The following GAP43 variants were observed in gnomAD, a reference collection of about 807,000 sequenced individuals.
GAP43 encodes the protein growth associated protein 43.
A neutral mutation model predicts 18.6 loss-of-function variants in GAP43; 6 were observed. The ratio of observed to expected loss-of-function variants is 0.32; its 90% CI spans 0.18 to 0.64. GAP43 has a LOEUF of 0.64. Among genes scored for constraint, GAP43 ranks in the 30% least tolerant of loss-of-function variants. The pLI is 0.78. For synonymous variants in GAP43, 115 were observed against 111.4 expected (o/e 1.03, Z -0.20); for missense variants, 292 against 295.5 (o/e 0.99, Z 0.09).
rs539782305 is a variant in GAP43 at position 115,632,674 on chromosome 3, A to T, written c.30+8955A>T. ...TAACTGGATCAAGTTAGTCTAAGAA[A>T]TCCTATTTTTCCTAGAAGCCAAAAG... On this transcript the variant is annotated intron_variant, in intron 1 of 2. Transcript: ENST00000305124. Among the ~76,000 whole-genome samples, 4 of 152,294 alleles carry T rather than the reference A, an allele frequency of 2.6e-5. No homozygotes were observed. The South Asian group carries it at 8.3e-4, about 32-fold the overall frequency.
At chr3:115,695,657 A>G (rs1709177414) in intron 2 of GAP43, among the ~76,000 whole-genome samples, 1 of 152,124 alleles carries the variant, frequency 6.6e-6, no homozygotes, top group Non-Finnish European at 1.5e-5. Flanking sequence ...TCTCAACCAG[A>G]GTTGTCTATA....
chr3:115,658,870 TC>T (rs1324267759), intron 1 of GAP43: 1 of 152,428 alleles, frequency 6.6e-6, no homozygotes, highest in Non-Finnish European at 1.5e-5. Context: ...TGCGCCGGGC[TC>T]TCTCCTTCGC....
intron 2 of GAP43, among the ~76,000 whole-genome samples, chr3:115,708,821 G>A (rs1559807128): frequency 6.6e-6 from 1 of 152,056 alleles, no homozygotes. Flanking sequence ...ATCTGAGAGG[G>A]GCACCAACAG....
Position 115,676,166 on chromosome 3 carries a change from G to C in GAP43, c.184G>C (p.Ala62Pro), listed in dbSNP as rs777937866. The change falls in exon 2 of 3, where the codon GCT becomes CCT. Residue 62 changes from alanine (A) to proline (P), a missense_variant. Ala to Pro is a conservative substitution (Grantham distance 27). Coordinates refer to ENST00000305124, the MANE Select transcript of GAP43 (RefSeq NM_002045.4). ...KGEKKDDVQA[A>P]EAEANKKDEA... ...AGAGAAGAAGGATGATGTCCAAGCT[G>C]CTGAGGCTGAAGCTAATAAGAAGGA... 2.5e-5 allele frequency: 40 copies of C among 1,614,082 alleles called. No individual in the cohort carries two copies. The South Asian group carries it at 4.0e-4, about 16-fold the overall frequency.
chr3:115,679,351 C>T (rs1045938973), intron 2 of GAP43, among the ~76,000 whole-genome samples: 3 of 152,058 alleles, frequency 2.0e-5, no homozygotes, highest in Non-Finnish European at 4.4e-5. Context: ...TATTTACTAC[C>T]AACCTGTTTG....
At chr3:115,663,013 G>T (rs555805346) in intron 1 of GAP43, among the ~76,000 whole-genome samples, 1 of 152,178 alleles carries the variant, frequency 6.6e-6, no homozygotes, top group South Asian at 2.1e-4. Context: ...TTCTTTGATG[G>T]CTCCAAAGGG....
rs28399407 is a variant in GAP43, at chr3:115,712,193, A to G, written c.629-8601A>G. ...AGAAAAAAACACTGTCTTTTGTTCT[A>G]TAGACTAGAAATATTATATTCTGTC... On this transcript the variant is annotated intron_variant, in intron 2 of 2. Coordinates refer to ENST00000305124, the MANE Select transcript of GAP43 (RefSeq NM_002045.4). Among the ~76,000 whole-genome samples, 33 of 152,282 alleles carry G rather than the reference A, an allele frequency of 2.2e-4. No homozygotes were observed. The East Asian group carries it at 5.8e-3, about 27-fold the overall frequency.
chr3:115,687,500 C>T (rs1206198746), intron 2 of GAP43, among the ~76,000 whole-genome samples: 2 of 152,124 alleles, frequency 1.3e-5, no homozygotes, highest in Non-Finnish European at 2.9e-5. Flanking sequence ...AATTTATTTT[C>T]TAAATGATAT....
chr3:115,716,983 T>A (rs967340830), intron 2 of GAP43, among the ~76,000 whole-genome samples: 2 of 151,904 alleles, frequency 1.3e-5, no homozygotes, highest in African/African-American at 4.8e-5. Context: ...TAAAATGAGT[T>A]TGGCCACCTG....
chr3:115,707,801 T>C (rs1709383232), intron 2 of GAP43, among the ~76,000 whole-genome samples: 1 of 152,164 alleles, frequency 6.6e-6, no homozygotes, highest in Non-Finnish European at 1.5e-5. Context: ...TTTTCATGGC[T>C]ATGAAACAGA....
chr3:115,646,937 T>C (rs759602327), intron 1 of GAP43, among the ~76,000 whole-genome samples: 20 of 151,772 alleles, frequency 1.3e-4, no homozygotes, highest in Non-Finnish European at 1.8e-4. Context: ...CTATTAGAGG[T>C]AGTATGGGAC....
At chr3:115,661,571 C>G (rs1708659339) in intron 1 of GAP43, among the ~76,000 whole-genome samples, 1 of 152,190 alleles carries the variant, frequency 6.6e-6, no homozygotes, top group South Asian at 2.1e-4. Context: ...TCACTGCAAG[C>G]TCTGCCTCCC....
At chr3:115,654,748 G>A (rs1708560479) in intron 1 of GAP43, among the ~76,000 whole-genome samples, 1 of 152,144 alleles carries the variant, frequency 6.6e-6, no homozygotes, top group African/African-American at 2.4e-5. Context: ...ACAGCATCAT[G>A]ATAATTATAT....
At chr3:115,647,157 T>G (rs1185818463) in intron 1 of GAP43, among the ~76,000 whole-genome samples, 1 of 133,348 alleles carries the variant, frequency 7.5e-6, no homozygotes. Flanking sequence ...TTAGTGCCCT[T>G]TTAAAGAGAC....
chr3:115,702,173 A>C (rs1372696118), intron 2 of GAP43, among the ~76,000 whole-genome samples: 1 of 152,136 alleles, frequency 6.6e-6, no homozygotes, highest in Non-Finnish European at 1.5e-5. Context: ...AGAATTTAAG[A>C]AGTTGGAAGT....
intron 2 of GAP43, among the ~76,000 whole-genome samples, chr3:115,716,717 A>AATATATATATATAT (rs3995850): frequency 2.3e-5 from 1 of 43,894 alleles, no homozygotes; most frequent in African/African-American, 7.5e-5. Context: ...ATCTCAGACA[A>AATATATATATATAT]ATATATATAT....
intron 1 of GAP43, among the ~76,000 whole-genome samples, chr3:115,641,494 T>TATGCACACCCC: frequency 8.2e-6 from 1 of 121,780 alleles, no homozygotes; most frequent in Non-Finnish European, 1.7e-5. Context: ...TGTGCATATA[T>TATGCACACCCC]TATACATATA....
At chr3:115,652,756 T>C (rs1708538124) in intron 1 of GAP43, among the ~76,000 whole-genome samples, 1 of 152,196 alleles carries the variant, frequency 6.6e-6, no homozygotes, top group South Asian at 2.1e-4. Context: ...TTGCATATAC[T>C]TCTCACTGTG....
chr3:115,690,788 C>CT (rs1451528544), intron 2 of GAP43, among the ~76,000 whole-genome samples: 2 of 143,738 alleles, frequency 1.4e-5, no homozygotes, highest in African/African-American at 2.6e-5. Context: ...CGGAGTCTCC[C>CT]TCTGTCGCCC....
Sources: gnomAD v4.1 joint callset for allele counts (sites outside exome capture counted in the v4.1 genomes callset) on GRCh38, gnomAD v4.1.1 for gene constraint, MANE v1.5 for transcripts, NCBI Gene and HGNC (gene_info 2026-07-23, HGNC 2026-07-21) for gene names.